The following TBX5 variants were observed in gnomAD, a reference collection of about 807,000 sequenced individuals.
TBX5 encodes the protein T-box transcription factor TBX5.
A neutral mutation model predicts 51.1 loss-of-function variants in TBX5; 8 were observed. The ratio of observed to expected loss-of-function variants is 0.16; its 90% confidence interval spans 0.09 to 0.28. The LOEUF (loss-of-function observed/expected upper bound fraction) is 0.28, where lower values mean the gene tolerates loss of function less well. TBX5 is among the 10% of genes least tolerant of loss of function. TBX5 has a pLI of 1.00. For missense variants in TBX5, 589 were observed against 671.7 expected, an observed-to-expected ratio of 0.88 and a Z score of 1.36; for synonymous variants, 302 against 266.4, an observed-to-expected ratio of 1.13 and a Z score of -1.30.
intron 7 of TBX5, among the ~76,000 whole-genome samples, chr12:114,367,512 T>C (rs1369796833): frequency 6.6e-6 from 1 of 152,180 alleles, no homozygotes; most frequent in Non-Finnish European, 1.5e-5. Context: ...TCAGATTTCA[T>C]ACCAGGTGTT....
chr12:114,359,263 C>A (rs1301877970), intron 8 of TBX5, among the ~76,000 whole-genome samples: 2 of 152,168 alleles, frequency 1.3e-5, no homozygotes, highest in African/African-American at 4.8e-5. Flanking sequence ...GGCCTCATCA[C>A]ATTGTAAAGA....
At chr12:114,382,712 T>G (rs918716812) in intron 7 of TBX5, among the ~76,000 whole-genome samples, 3 of 152,026 alleles carry the variant, frequency 2.0e-5, no homozygotes, top group Non-Finnish European at 2.9e-5. Context: ...GAGGAGACTC[T>G]CTTGAACCCG....
chr12:114,369,271 G>C (rs528959842), intron 7 of TBX5, among the ~76,000 whole-genome samples: 1 of 152,124 alleles, frequency 6.6e-6, no homozygotes, highest in Non-Finnish European at 1.5e-5. Context: ...GGAATTCTCC[G>C]TTCCAGTACA....
At chr12:114,395,546 G>C (rs1490876995) in intron 5 of TBX5, among the ~76,000 whole-genome samples, 1 of 152,076 alleles carries the variant, frequency 6.6e-6, no homozygotes, top group African/African-American at 2.4e-5. Flanking sequence ...GCCCTCCAAG[G>C]ATGTCGGCTC....
intron 5 of TBX5, among the ~76,000 whole-genome samples, chr12:114,396,164 G>T (rs1020943087): frequency 6.6e-6 from 1 of 152,000 alleles, no homozygotes; most frequent in Non-Finnish European, 1.5e-5. Context: ...GGGCGGGGGA[G>T]GGACGAGGAA....
chr12:114,361,412 T>G (rs1869230464), intron 8 of TBX5, among the ~76,000 whole-genome samples: 1 of 152,206 alleles, frequency 6.6e-6, no homozygotes, highest in Non-Finnish European at 1.5e-5. Flanking sequence ...TTTGGGTTGC[T>G]TTTAGTTTCT....
In TBX5 at chr12:114,355,923, G is replaced by A; in HGVS notation, c.1166C>T (p.Pro389Leu). 1 of 1,613,842 alleles carries A rather than the reference G, an allele frequency of 6.2e-7. No homozygotes were observed. The highest frequency in any genetic ancestry group is 8.5e-7 in the Non-Finnish European group (1 of 1,180,046). Residue 389 changes from proline (P) to leucine (L), a missense_variant, in exon 9 of 9, where the codon CCT becomes CTT. Physicochemically the swap from Pro to Leu is moderately conservative, Grantham distance 98. Transcript: ENST00000405440. ...MYASSAPPSE[P>L]VPSLEDISCN... ...GCTGATGTCCTCTAGGCTGGGCACA[G>A]GCTCGCTGGGGGGCGCAGAGCTGGC...
At chr12:114,383,076 A>G (rs1001586809) in intron 7 of TBX5, among the ~76,000 whole-genome samples, 5 of 151,654 alleles carry the variant, frequency 3.3e-5, no homozygotes, top group Admixed American at 2.6e-4. Context: ...ACCTGTCTCT[A>G]CTTTCATAGC....
intron 7 of TBX5, among the ~76,000 whole-genome samples, chr12:114,368,289 T>C (rs1054845185): frequency 1.3e-5 from 2 of 152,164 alleles, no homozygotes; most frequent in Non-Finnish European, 2.9e-5. Context: ...GAGCTATGAC[T>C]GCACCATTGC....
chr12:114,403,586 G>T (rs1447723533), intron 2 of TBX5, among the ~76,000 whole-genome samples, 166 bp downstream of exon 2: 1 of 152,210 alleles, frequency 6.6e-6, no homozygotes, highest in Non-Finnish European at 1.5e-5. Flanking sequence ...AGAGAAAGGT[G>T]GAACTGAGTG....
Position 114,355,481 on chromosome 12 carries a change from CTCTCTCTCTCTCTTTCTCT to C in TBX5, c.*32_*50del. Reference sequence around the variant, plus strand: ...GTCTCTCTCCTTCTCTCTCTTTCTCCTCTCTCTCTCTCTTTCTCTAGGAAATGTCTGTTGTGAAGCAGGC... The same window carrying C: ...GTCTCTCTCCTTCTCTCTCTTTCTCCAGGAAATGTCTGTTGTGAAGCAGGC... On this transcript the variant is annotated 3_prime_UTR_variant, in exon 9 of 9. Coordinates refer to ENST00000405440, the MANE Select transcript of TBX5 (RefSeq NM_181486.4). The C allele has an allele frequency of 1.1e-6, 1 of 911,012 alleles. No homozygotes were observed. Among genetic ancestry groups the C allele is most frequent in the Non-Finnish European group, 1.5e-6 (1 of 652,782 alleles). 56.4% of individuals were successfully genotyped at this position (911,012 alleles called of 1,614,324 possible).
chr12:114,394,280 A>T (rs973332962), intron 6 of TBX5, among the ~76,000 whole-genome samples: 1 of 152,146 alleles, frequency 6.6e-6, no homozygotes, highest in Non-Finnish European at 1.5e-5. Context: ...GTGCCACTGC[A>T]CTCCAGCCTG....
In TBX5 at chr12:114,403,834, A is replaced by C. The variant is rs1444078249; in HGVS notation, c.65T>G (p.Leu22Arg). ...HTPLEPDAKD[L>R]PCDSKPESAL... ...GCTCTCGGGTTTCGAATCGCAGGGCAGGTCTTTTGCGTCAGGCTCCAGAGG... is the reference window on the plus strand; with the variant it reads ...GCTCTCGGGTTTCGAATCGCAGGGCCGGTCTTTTGCGTCAGGCTCCAGAGG... The change falls in exon 2 of 9, where the codon CTG becomes CGG. Residue 22 changes from leucine (L) to arginine (R), a missense_variant. Physicochemically the swap from Leu to Arg is moderately radical, Grantham distance 102 (BLOSUM62 -2). Coordinates refer to ENST00000405440, the MANE Select transcript of TBX5 (RefSeq NM_181486.4). 5 of 1,613,908 alleles carry C rather than the reference A, an allele frequency of 3.1e-6. No individual in the cohort carries two copies. The highest frequency in any genetic ancestry group is 4.2e-6 in the Non-Finnish European group (5 of 1,180,022).
chr12:114,396,322 TC>T (rs1871427171), intron 5 of TBX5, among the ~76,000 whole-genome samples: 1 of 151,370 alleles, frequency 6.6e-6, no homozygotes, highest in African/African-American at 2.4e-5. Context: ...GCCGCCACAG[TC>T]CCCGGCCGGC....
intron 5 of TBX5, among the ~76,000 whole-genome samples, chr12:114,395,447 A>G (rs1871364994): frequency 6.6e-6 from 1 of 152,144 alleles, no homozygotes. Flanking sequence ...AGGGTGGGTG[A>G]TCAGACCTCA....
chr12:114,405,569 G>T (rs530069576), intron 1 of TBX5, 59 bp downstream of exon 1: 118 of 370,208 alleles, frequency 3.2e-4, no homozygotes, highest in Non-Finnish European at 4.3e-4. Flanking sequence ...CGCCGCCCCA[G>T]CCGACTCGGC....
upstream of TBX5, chr12:114,407,148 C>A: frequency 2.0e-6 from 2 of 978,694 alleles, no homozygotes; most frequent in Admixed American, 6.1e-5. Flanking sequence ...AAATCCCAGG[C>A]CAGGCCATTG....
At chr12:114,398,924 C>T (rs954870302) in intron 4 of TBX5, among the ~76,000 whole-genome samples, 4 of 152,196 alleles carry the variant, frequency 2.6e-5, no homozygotes, top group African/African-American at 9.7e-5. Context: ...AAGCCCCTGG[C>T]CCAGCCCTTT....
At position 114,354,870 on chromosome 12, in the gene TBX5, T is replaced by C. The variant is rs1422739849; in HGVS notation, c.*662A>G. 1 of 156,662 alleles carries C rather than the reference T, an allele frequency of 6.4e-6. No homozygotes were observed. The allele number at this position is 156,662 out of a possible 1,614,324, so 9.7% of individuals were successfully genotyped here. On this transcript the variant is annotated 3_prime_UTR_variant, in exon 9 of 9. Coordinates refer to ENST00000405440, the MANE Select transcript of TBX5 (RefSeq NM_181486.4). ...AGAGGCAAAACTGAGCACGTGATATTGGAGAAGGCAGGACAAAACCAAAGC... is the reference window on the plus strand; with the variant it reads ...AGAGGCAAAACTGAGCACGTGATATCGGAGAAGGCAGGACAAAACCAAAGC...
Sources: gnomAD v4.1 joint callset for allele counts (sites outside exome capture counted in the v4.1 genomes callset) on GRCh38, gnomAD v4.1.1 for gene constraint, MANE v1.5 for transcripts, NCBI Gene and HGNC (gene_info 2026-07-23, HGNC 2026-07-21) for gene names.